The following PTPRM variants were observed in gnomAD, a reference collection of about 807,000 sequenced individuals.
PTPRM encodes the protein protein tyrosine phosphatase receptor type M.
A neutral mutation model predicts 186.7 loss-of-function variants in PTPRM; 47 were observed. The ratio of observed to expected loss-of-function variants is 0.25; its 90% CI spans 0.20 to 0.32. PTPRM has a LOEUF of 0.32. Among genes scored for constraint, PTPRM ranks in the 10% least tolerant of loss-of-function variants. The probability of loss-of-function intolerance (pLI) is 1.00; values close to 1 mark genes in which losing one functional copy is unlikely to be tolerated. For synonymous variants in PTPRM, 668 were observed against 674.9 expected (o/e 0.99, Z 0.16); for missense variants, 1,494 against 1,865.0 (o/e 0.80, Z 3.66).
intron 1 of PTPRM, among the ~76,000 whole-genome samples, chr18:7,607,654 G>A (rs974298690): frequency 1.3e-5 from 2 of 152,226 alleles, no homozygotes; most frequent in Non-Finnish European, 2.9e-5. Context: ...TCTCCTGCAT[G>A]TGCCAGCTTG....
At chr18:7,939,574 T>G (rs1187925912) in intron 5 of PTPRM, among the ~76,000 whole-genome samples, 1 of 152,214 alleles carries the variant, frequency 6.6e-6, no homozygotes, top group African/African-American at 2.4e-5. Context: ...ATACTCTTGC[T>G]TTTATAAAGA....
At chr18:7,928,322 G>A (rs2051291343) in intron 5 of PTPRM, among the ~76,000 whole-genome samples, 3 of 152,046 alleles carry the variant, frequency 2.0e-5, no homozygotes, top group African/African-American at 7.2e-5. Context: ...TAAAAGTTTT[G>A]TAACTGCTAA....
At chr18:8,327,575 TAC>T (rs2095385412) in intron 22 of PTPRM, among the ~76,000 whole-genome samples, 8 of 152,318 alleles carry the variant, frequency 5.3e-5, no homozygotes, top group Admixed American at 4.6e-4. Flanking sequence ...GATTGGGACT[TAC>T]GATGTGCCAC....
At chr18:7,579,088 C>T (rs1160084068) in intron 1 of PTPRM, among the ~76,000 whole-genome samples, 1 of 152,066 alleles carries the variant, frequency 6.6e-6, no homozygotes, top group Non-Finnish European at 1.5e-5. Context: ...TTATGTATGT[C>T]TAGATTTTAT....
rs1055861669 is a variant in PTPRM, at chr18:7,645,347, C to T, written c.73+77456C>T. On this transcript the variant is annotated intron_variant, in intron 1 of 32. Coordinates refer to ENST00000580170, the MANE Select transcript of PTPRM (RefSeq NM_001105244.2). ...TCATCTTTCCATTTTACTTATGTAA[C>T]GATTTCAACAATTCCAGGAAAATCC... Among the ~76,000 whole-genome samples, 22 of 152,090 alleles carry T rather than the reference C, an allele frequency of 1.4e-4. 1 individual carries two copies. Among genetic ancestry groups the T allele is most frequent in the African/African-American group, 4.1e-4 (17 of 41,414 alleles).
chr18:8,299,922 T>C (rs1187715283), intron 20 of PTPRM, among the ~76,000 whole-genome samples: 3 of 152,166 alleles, frequency 2.0e-5, no homozygotes, highest in Non-Finnish European at 4.4e-5. Flanking sequence ...AACTTTTTCT[T>C]ACCCCCCAGG....
intron 1 of PTPRM, among the ~76,000 whole-genome samples, chr18:7,645,904 G>A (rs996930302): frequency 2.0e-5 from 3 of 152,148 alleles, no homozygotes; most frequent in African/African-American, 7.2e-5. Context: ...TTGTCAGTCT[G>A]CCAGGATTGG....
Position 7,567,732 on chromosome 18 carries a change from T to G in PTPRM, c.-87T>G. 8.1e-7 allele frequency: 1 copy of G among 1,237,672 alleles called. No homozygotes were observed. 76.7% of individuals were successfully genotyped at this position (1,237,672 alleles called of 1,614,324 possible). A position where few individuals can be genotyped will look rare whatever the true frequency, so the allele number is the denominator to read the frequency against. Reference sequence around the variant, plus strand: ...CTGCTGTTTACCCGTCTCTCCTCGCTGCCTCGGAACCAAAGCTCCCGGCCC... The same window carrying G: ...CTGCTGTTTACCCGTCTCTCCTCGCGGCCTCGGAACCAAAGCTCCCGGCCC... On this transcript the variant is annotated 5_prime_UTR_variant, in exon 1 of 33. Transcript: ENST00000580170. This position sits in a 1 kb window ranked among gnomAD's most constrained non-coding sequence, Gnocchi z 4.3.
intron 1 of PTPRM, among the ~76,000 whole-genome samples, chr18:7,649,082 C>G (rs532782200): frequency 5.8e-4 from 89 of 152,192 alleles, no homozygotes; most frequent in African/African-American, 2.0e-3. Context: ...ATCCTAGGGC[C>G]CTTAAGAATG....
At chr18:7,799,861 G>A (rs371037) in intron 2 of PTPRM, among the ~76,000 whole-genome samples, 5,500 of 151,918 alleles carry the variant, frequency 0.036, 309 homozygotes, top group African/African-American at 0.12. Context: ...TCCTTATTTT[G>A]TTCCTGATCT....
At chr18:8,274,328 T>G (rs1386578384) in intron 19 of PTPRM, among the ~76,000 whole-genome samples, 1 of 152,224 alleles carries the variant, frequency 6.6e-6, no homozygotes, top group Non-Finnish European at 1.5e-5. Flanking sequence ...TAAATTTATG[T>G]GTTTGAGTAC....
chr18:8,092,014 A>G (rs1269145754), intron 11 of PTPRM, among the ~76,000 whole-genome samples: 2 of 152,122 alleles, frequency 1.3e-5, no homozygotes, highest in African/African-American at 4.8e-5. Flanking sequence ...GTTCAAAAAT[A>G]CTGTCATTGT....
chr18:7,625,915 G>A (rs954570242), intron 1 of PTPRM, among the ~76,000 whole-genome samples: 1 of 152,168 alleles, frequency 6.6e-6, no homozygotes, highest in Non-Finnish European at 1.5e-5. Flanking sequence ...GTTACTAGTG[G>A]TCAGTGTGTG....
intron 1 of PTPRM, among the ~76,000 whole-genome samples, chr18:7,675,731 A>C (rs1042669236): frequency 6.4e-5 from 9 of 140,460 alleles, no homozygotes; most frequent in African/African-American, 2.6e-4. Context: ...TTGCTTTTTC[A>C]TTCAGCATTT....
At chr18:8,309,788 C>T (rs1054467418) in intron 20 of PTPRM, among the ~76,000 whole-genome samples, 27 of 152,164 alleles carry the variant, frequency 1.8e-4, no homozygotes, top group Admixed American at 1.6e-3. Flanking sequence ...CCTGCCTCGG[C>T]CTCCCAAGTA....
At position 7,607,973 on chromosome 18, in the gene PTPRM, T is replaced by C. The variant is rs182307031; in HGVS notation, c.73+40082T>C. On this transcript the variant is annotated intron_variant, in intron 1 of 32. Transcript: ENST00000580170. ...TACCAGCTGCCTGTGTGGTGGCCTT[T>C]TAGGGCCATTGGGCCCTCCTGCTCT... Among the ~76,000 whole-genome samples, 177 of 152,344 alleles carry C rather than the reference T, an allele frequency of 1.2e-3. 7 individuals carry two copies. The East Asian group carries it at 0.031, about 26-fold the overall frequency.
At chr18:7,793,201 G>A (rs117661549) in intron 2 of PTPRM, among the ~76,000 whole-genome samples, 2,687 of 152,230 alleles carry the variant, frequency 0.018, 19 homozygotes, top group Non-Finnish European at 0.025. Flanking sequence ...TGCCCAATAG[G>A]AAGGCAGCTG....
intron 1 of PTPRM, among the ~76,000 whole-genome samples, chr18:7,765,677 A>G (rs1230398133): frequency 6.6e-6 from 1 of 152,220 alleles, no homozygotes; most frequent in Non-Finnish European, 1.5e-5. Context: ...CTGAGATTTC[A>G]TGTAATTTAG....
intron 2 of PTPRM, among the ~76,000 whole-genome samples, chr18:7,839,046 T>G (rs896112325): frequency 1.3e-5 from 2 of 152,002 alleles, no homozygotes; most frequent in African/African-American, 4.8e-5. Flanking sequence ...CTGCCTTGAC[T>G]CTTGGATAGC....
Sources: allele counts gnomAD v4.1 joint callset (sites outside exome capture counted in the v4.1 genomes callset), GRCh38; gene constraint gnomAD v4.1.1; non-coding constraint Gnocchi (gnomAD v3.1); transcripts MANE v1.5; gene names NCBI Gene and HGNC (gene_info 2026-07-23, HGNC 2026-07-21).